RASAL2: variants seen among roughly 807,000 people sequenced by gnomAD.
RASAL2 encodes the protein RAS protein activator like 2.
In RASAL2, 58 loss-of-function variants were observed where a neutral mutation model predicts 128.9. The observed-to-expected ratio is 0.45, with a 90% CI of 0.36 to 0.56. RASAL2 has a LOEUF of 0.56. Among genes scored for constraint, RASAL2 ranks in the 20% least tolerant of loss-of-function variants. The probability of loss-of-function intolerance (pLI) is 0.00; values close to 1 mark genes in which losing one functional copy is unlikely to be tolerated. For synonymous variants in RASAL2, 561 were observed against 580.8 expected (o/e 0.97, Z 0.49); for missense variants, 1,360 against 1,601.6 (o/e 0.85, Z 2.57).
chr1:178,188,174 G>C (rs1011005739), intron 1 of RASAL2, among the ~76,000 whole-genome samples: 2 of 151,958 alleles, frequency 1.3e-5, no homozygotes, highest in Admixed American at 6.6e-5. Flanking sequence ...ATAACTCAAG[G>C]GGATTTCTGT....
At chr1:178,111,024 A>C (rs1264983553) in intron 1 of RASAL2, among the ~76,000 whole-genome samples, 1 of 152,138 alleles carries the variant, frequency 6.6e-6, no homozygotes, top group East Asian at 1.9e-4. Context: ...GTCAACTGTA[A>C]GTGGAATTGT....
intron 1 of RASAL2, among the ~76,000 whole-genome samples, chr1:178,263,417 G>A (rs1439132062): frequency 6.6e-6 from 1 of 152,172 alleles, no homozygotes; most frequent in Admixed American, 6.5e-5. Context: ...AAGAAGTTAA[G>A]TATCTTGACT....
chr1:178,435,686 A>G (rs1676208395), intron 5 of RASAL2, among the ~76,000 whole-genome samples: 1 of 152,170 alleles, frequency 6.6e-6, no homozygotes, highest in Admixed American at 6.6e-5. Context: ...AGATAAAAAT[A>G]TAAAGAATAT....
At position 178,456,972 on chromosome 1, in the gene RASAL2, T is replaced by A; in HGVS notation, c.2390+73T>A. On this transcript the variant is annotated intron_variant, in intron 13 of 17. Coordinates refer to ENST00000367649, the MANE Select transcript of RASAL2 (RefSeq NM_170692.4). ...AGATTTAGCAGAAGTATATTCAACC[T>A]ATTTGTTGAATTTACAAGTTTAAAA... 9.0e-6 allele frequency: 13 copies of A among 1,452,134 alleles called. No homozygotes were observed. In the South Asian group the frequency reaches 1.2e-4, roughly 14 times the overall value. The allele number at this position is 1,452,134 out of a possible 1,614,324, so 90.0% of individuals were successfully genotyped here.
At position 178,457,835 on chromosome 1, in the gene RASAL2, T is replaced by A. The variant is rs777715275; in HGVS notation, c.2543T>A (p.Val848Asp). 1 of 1,614,072 alleles carries A rather than the reference T, an allele frequency of 6.2e-7. No homozygotes were observed. Among genetic ancestry groups the A allele is most frequent in the Non-Finnish European group, 8.5e-7 (1 of 1,180,016 alleles). Residue 848 changes from valine (V) to aspartate (D), a missense_variant, in exon 14 of 18, where the codon GTC becomes GAC. Around this residue, in one of 3 missense-constraint regions of RASAL2, gnomAD observed 741 missense variants for 868.6 expected, o/e 0.85. Coordinates refer to ENST00000367649, the MANE Select transcript of RASAL2 (RefSeq NM_170692.4). Reference protein sequence around the residue: ...RESSLPNGRSVSLMDLQDTHA... With the variant: ...RESSLPNGRSDSLMDLQDTHA... Reference sequence around the variant, plus strand: ...AGTAGCCTTCCTAATGGTCGGAGCGTCTCCCTCATGGACCTCCAGGACACT... The same window carrying A: ...AGTAGCCTTCCTAATGGTCGGAGCGACTCCCTCATGGACCTCCAGGACACT...
chr1:178,315,102 C>A (rs1668443215), intron 3 of RASAL2, among the ~76,000 whole-genome samples: 1 of 142,216 alleles, frequency 7.0e-6, no homozygotes, highest in African/African-American at 2.7e-5. Context: ...ATCCATGTCC[C>A]TACAAAGGAC....
intron 5 of RASAL2, among the ~76,000 whole-genome samples, chr1:178,421,157 C>T (rs1449876027): frequency 1.3e-5 from 2 of 150,380 alleles, no homozygotes; most frequent in African/African-American, 2.4e-5. Context: ...AGTTTGGCTC[C>T]AGAGTCCATG....
intron 1 of RASAL2, among the ~76,000 whole-genome samples, chr1:178,187,420 A>C (rs1662344533): frequency 1.3e-5 from 2 of 152,148 alleles, no homozygotes; most frequent in Non-Finnish European, 2.9e-5. Flanking sequence ...CCTTGTTAGC[A>C]CATTGAATAT....
rs879852676 is a variant in RASAL2 at position 178,317,574 on chromosome 1, T to G, written c.457+17456T>G. On this transcript the variant is annotated intron_variant, in intron 3 of 17. Coordinates refer to ENST00000367649, the MANE Select transcript of RASAL2 (RefSeq NM_170692.4). ...ATTTCTTCTAGATTTTCTAGTTTATTTGCGTAGAGGTGTTTGTAGTATTCT... is the reference window on the plus strand; with the variant it reads ...ATTTCTTCTAGATTTTCTAGTTTATGTGCGTAGAGGTGTTTGTAGTATTCT... Among the ~76,000 whole-genome samples the G allele has an allele frequency of 8.1e-3, 1,210 of 150,102 alleles. 6 individuals are homozygous for G. Among genetic ancestry groups the G allele is most frequent in the Non-Finnish European group, 0.012 (822 of 67,140 alleles).
chr1:178,446,171 G>A (rs1386375201), intron 9 of RASAL2, among the ~76,000 whole-genome samples: 6 of 152,104 alleles, frequency 3.9e-5, no homozygotes, highest in Admixed American at 1.3e-4. Flanking sequence ...ACTAGGCTAC[G>A]CACTTGCAGT....
At chr1:178,445,456 T>C in intron 8 of RASAL2, 62 bp from the exon 9 acceptor site, 1 of 1,466,938 alleles carries the variant, frequency 6.8e-7, no homozygotes, top group Non-Finnish European at 9.2e-7. Context: ...ATTTCAAAAG[T>C]CTCTTCTAAT....
In RASAL2 at chr1:178,420,581, C is replaced by T. The variant is rs1240311646; in HGVS notation, c.635C>T (p.Thr212Met). The change falls in exon 5 of 18, where the codon ACG (threonine) becomes ATG (methionine). Residue 212 changes from threonine (T) to methionine (M), a missense_variant. Physicochemically the swap from Thr to Met is moderately conservative, Grantham distance 81. Transcript: ENST00000367649. ...TKSQSKLDRN[T>M]SFRLPSLRST... is the part of the protein sequence containing the mutation. ...AGCCAGTCAAAGCTTGACAGAAACA[C>T]GAGCTTTCGGCTTCCATCCCTTCGC... is the stretch of plus-strand genomic sequence containing the variant. 8 of 1,612,926 alleles carry T rather than the reference C, an allele frequency of 5.0e-6. No homozygotes were observed. Among genetic ancestry groups the T allele is most frequent in the South Asian group, 1.1e-5 (1 of 90,964 alleles).
At chr1:178,341,861 G>A (rs1474522160) in intron 3 of RASAL2, among the ~76,000 whole-genome samples, 2 of 152,112 alleles carry the variant, frequency 1.3e-5, no homozygotes, top group Non-Finnish European at 2.9e-5. Flanking sequence ...AATGACCATA[G>A]CAAAATATTA....
intron 1 of RASAL2, among the ~76,000 whole-genome samples, chr1:178,114,770 C>T (rs1173279776): frequency 6.6e-6 from 1 of 152,220 alleles, no homozygotes; most frequent in Non-Finnish European, 1.5e-5. Flanking sequence ...GATCCGCCCG[C>T]CTTGGCCTCC....
intron 1 of RASAL2, among the ~76,000 whole-genome samples, chr1:178,121,827 C>T (rs1422400044): frequency 1.1e-4 from 17 of 152,100 alleles, no homozygotes; most frequent in Admixed American, 1.1e-3. Context: ...CCCTGAACCT[C>T]TCTGAGTTTC....
At chr1:178,159,924 CAAAA>C (rs958166319) in intron 1 of RASAL2, among the ~76,000 whole-genome samples, 2 of 150,838 alleles carry the variant, frequency 1.3e-5, no homozygotes, top group Non-Finnish European at 3.0e-5. Flanking sequence ...AACAAACAAA[CAAAA>C]AAAACTACTG....
chr1:178,384,532 G>A (rs1276720482), intron 3 of RASAL2, among the ~76,000 whole-genome samples: 1 of 151,962 alleles, frequency 6.6e-6, no homozygotes, highest in Non-Finnish European at 1.5e-5. Context: ...GCTGGGTGTG[G>A]TGGCACGCAC....
rs192155503 is a variant in RASAL2, at chr1:178,335,863, C to T, written c.457+35745C>T. Among the ~76,000 whole-genome samples, 273 of 151,876 alleles carry T rather than the reference C, an allele frequency of 1.8e-3. 2 individuals carry two copies. Among genetic ancestry groups the T allele is most frequent in the South Asian group, 0.012 (60 of 4,806 alleles). ...CCTAATTTGGAACAATATGCAAGCT[C>T]CTTTATAAAATTAATACTATTATAG... On this transcript the variant is annotated intron_variant, in intron 3 of 17. Transcript: ENST00000367649.
At chr1:178,282,213 C>T (rs944622885) in intron 1 of RASAL2, among the ~76,000 whole-genome samples, 5 of 152,116 alleles carry the variant, frequency 3.3e-5, no homozygotes, top group African/African-American at 1.2e-4. Context: ...ACTGTTGGTT[C>T]TTGGACCTTG....
Sources: allele counts gnomAD v4.1 joint callset (sites outside exome capture counted in the v4.1 genomes callset), GRCh38; gene constraint gnomAD v4.1.1; regional missense constraint gnomAD v4.1.1; transcripts MANE v1.5; gene names NCBI Gene and HGNC (gene_info 2026-07-23, HGNC 2026-07-21).